The following NFX1 variants were observed in gnomAD, a reference collection of about 807,000 sequenced individuals.
The protein encoded by NFX1 is transcriptional repressor NF-X1.
In NFX1, 69 loss-of-function variants were observed where a neutral mutation model predicts 137.2. That is an observed-to-expected ratio of 0.50 (90% CI 0.41 to 0.61). NFX1 has a LOEUF of 0.61. Among genes scored for constraint, NFX1 ranks in the 20% least tolerant of loss-of-function variants. The probability of loss-of-function intolerance (pLI) is 0.00; values close to 1 mark genes in which losing one functional copy is unlikely to be tolerated. For synonymous variants in NFX1, 495 were observed against 474.1 expected, an observed-to-expected ratio of 1.04 and a Z score of -0.57; for missense variants, 1,167 against 1,391.0, an observed-to-expected ratio of 0.84 and a Z score of 2.56.
chr9:33,346,869 C>T (rs1238996887), intron 14 of NFX1, among the ~76,000 whole-genome samples, 169 bp from the exon 15 acceptor site: 2 of 152,202 alleles, frequency 1.3e-5, no homozygotes, highest in Admixed American at 1.3e-4. Flanking sequence ...TGTCCTTCAA[C>T]ACTTTAACAT....
In NFX1 at chr9:33,352,653, TAC is replaced by T; in HGVS notation, c.2665_2666del (p.Gln889ValfsTer2). On this transcript the variant is annotated frameshift_variant, in exon 17 of 24. Transcript: ENST00000379540. LOFTEE classifies it high-confidence loss of function. ...ATGTTCATCTGACTTCAGGTAGAGC[TAC>T]AGTGTGAATGTGGACGAAGAAAAGA... 2.5e-6 allele frequency: 4 copies of T among 1,614,152 alleles called. No homozygotes were observed. The South Asian group carries it at 4.4e-5, about 18-fold the overall frequency.
rs1467692866 is a variant in NFX1, at chr9:33,301,936, G to A, written c.1192+515G>A. On this transcript the variant is annotated intron_variant, in intron 3 of 23. Transcript: ENST00000379540. Reference sequence around the variant, plus strand: ...AAGATATAAAAATTAGCCAGGCGTGGTGGCGGGCACCTGTAATCCCAGCTA... The same window carrying A: ...AAGATATAAAAATTAGCCAGGCGTGATGGCGGGCACCTGTAATCCCAGCTA... Among the ~76,000 whole-genome samples, 4 of 152,294 alleles carry A rather than the reference G, an allele frequency of 2.6e-5. No homozygotes were observed. In the East Asian group the frequency reaches 7.7e-4, roughly 29 times the overall value.
chr9:33,353,283 C>CCAGGGCTA (rs1823705198), intron 17 of NFX1, among the ~76,000 whole-genome samples: 1 of 152,200 alleles, frequency 6.6e-6, no homozygotes, highest in African/African-American at 2.4e-5. Context: ...ATTGACACAG[C>CCAGGGCTA]CAGGGCTAAG....
intron 22 of NFX1, 125 bp downstream of exon 22, chr9:33,366,899 C>A: frequency 9.0e-6 from 11 of 1,227,692 alleles, no homozygotes; most frequent in Non-Finnish European, 1.1e-5. Context: ...GAAGGAAAAT[C>A]TGCTTCTCTG....
intron 10 of NFX1, among the ~76,000 whole-genome samples, chr9:33,331,234 A>T (rs1350263539): frequency 6.6e-6 from 1 of 152,132 alleles, no homozygotes; most frequent in Non-Finnish European, 1.5e-5. Flanking sequence ...ATGAATATGG[A>T]TTTTTCATGA....
rs938051432 is a variant in NFX1, at chr9:33,348,677, G to C, written c.2424+1560G>C. 1.5e-5 allele frequency: 14 copies of C among 910,178 alleles called. No homozygotes were observed. In the Admixed American group the frequency reaches 1.9e-4, roughly 12 times the overall value. The allele number at this position is 910,178 out of a possible 1,614,324, so 56.4% of individuals were successfully genotyped here. On this transcript the variant is annotated intron_variant, in intron 15 of 23. Coordinates refer to ENST00000379540, the MANE Select transcript of NFX1 (RefSeq NM_002504.6). ...CAGGGTTGCCACAAAGTTTCAATTT[G>C]TAAAAAATGTGATATCTATGAAATG...
At chr9:33,305,519 G>A (rs774480595) in intron 4 of NFX1, among the ~76,000 whole-genome samples, 6 of 152,218 alleles carry the variant, frequency 3.9e-5, no homozygotes, top group Non-Finnish European at 7.3e-5. Flanking sequence ...TTGGAAGGCT[G>A]TGGGAAGCCA....
In NFX1 at chr9:33,318,795, A is replaced by G; in HGVS notation, c.1653A>G (p.Gly551=). The change falls in exon 8 of 24, where the codon GGA becomes GGG. Residue 551 remains glycine, a synonymous_variant. Transcript: ENST00000379540. ...LCGTDVGKSD[G]FGDFSCLKIC... The stretch of plus-strand genomic sequence containing the variant: ...GAACCGATGTAGGAAAGTCTGATGG[A>G]TTTGGGGATTTCAGCTGTTTAAAGA... The G allele has an allele frequency of 1.2e-6, 2 of 1,614,082 alleles. No individual in the cohort carries two copies. Among genetic ancestry groups the G allele is most frequent in the Non-Finnish European group, 1.7e-6 (2 of 1,180,012 alleles).
At chr9:33,347,494 C>T (rs1412731068) in intron 15 of NFX1, among the ~76,000 whole-genome samples, 1 of 152,070 alleles carries the variant, frequency 6.6e-6, no homozygotes, top group Non-Finnish European at 1.5e-5. Context: ...TTAATAACCT[C>T]CTTATTCCTG....
intron 10 of NFX1, among the ~76,000 whole-genome samples, chr9:33,329,527 C>A (rs1160646283): frequency 6.6e-6 from 1 of 152,170 alleles, no homozygotes; most frequent in Non-Finnish European, 1.5e-5. Context: ...TTAGAGATTA[C>A]CTCTCAGAAG....
Position 33,351,608 on chromosome 9 carries a change from C to G in NFX1, c.2473C>G (p.Pro825Ala). The G allele has an allele frequency of 6.2e-7, 1 of 1,614,184 alleles. No homozygotes were observed. Among genetic ancestry groups the G allele is most frequent in the South Asian group, 1.1e-5 (1 of 91,088 alleles). The change falls in exon 16 of 24, where the codon CCC becomes GCC. Residue 825 changes from proline (P) to alanine (A), a missense_variant. Transcript: ENST00000379540. Reference protein sequence around the residue: ...CHLVDISCGLPCSATLPCGMH... With the variant: ...CHLVDISCGLACSATLPCGMH... ...CCTGGTTGATATCTCTTGCGGATTACCCTGCAGTGCCACGCTACCATGTGG... is the reference window on the plus strand; with the variant it reads ...CCTGGTTGATATCTCTTGCGGATTAGCCTGCAGTGCCACGCTACCATGTGG...
intron 1 of NFX1, among the ~76,000 whole-genome samples, chr9:33,291,402 G>A (rs1316791011): frequency 6.6e-6 from 1 of 152,152 alleles, no homozygotes; most frequent in Admixed American, 6.5e-5. Flanking sequence ...TTTCTGTTTC[G>A]TTTAAAAATA....
At chr9:33,352,048 C>T (rs1226172578) in intron 16 of NFX1, among the ~76,000 whole-genome samples, 3 of 152,142 alleles carry the variant, frequency 2.0e-5, no homozygotes, top group Non-Finnish European at 4.4e-5. Flanking sequence ...TCAATAGTCA[C>T]TGATTGTTTA....
At chr9:33,300,927 T>C (rs556819953) in intron 2 of NFX1, among the ~76,000 whole-genome samples, 22 of 152,174 alleles carry the variant, frequency 1.4e-4, no homozygotes, top group Admixed American at 3.9e-4. Flanking sequence ...TCCTGGAAAA[T>C]AGAAAATGCA....
At chr9:33,338,642 T>C in intron 12 of NFX1, 53 bp downstream of exon 12, 1 of 1,459,702 alleles carries the variant, frequency 6.9e-7, no homozygotes, top group Non-Finnish European at 9.3e-7. Flanking sequence ...GTGCTGGGCT[T>C]CTGGAAGCCT....
At position 33,350,989 on chromosome 9, in the gene NFX1, C is replaced by T. The variant is rs571618909; in HGVS notation, c.2425-571C>T. Among the ~76,000 whole-genome samples, 3 of 152,114 alleles carry T rather than the reference C, an allele frequency of 2.0e-5. No homozygotes were observed. The South Asian group carries it at 6.2e-4, about 32-fold the overall frequency. On this transcript the variant is annotated intron_variant, in intron 15 of 23. Coordinates refer to ENST00000379540, the MANE Select transcript of NFX1 (RefSeq NM_002504.6). ...CATGGCGAAACCCCAACTAAAAATA[C>T]AAAAATTAGCTGGTCGTGGTGGTAC...
rs73645269 is a variant in NFX1 at position 33,300,809 on chromosome 9, A to C, written c.1034-454A>C. Among the ~76,000 whole-genome samples, 148 of 152,336 alleles carry C rather than the reference A, an allele frequency of 9.7e-4. 1 individual carries two copies. Among genetic ancestry groups the C allele is most frequent in the African/African-American group, 3.5e-3 (145 of 41,578 alleles). On this transcript the variant is annotated intron_variant, in intron 2 of 23. Transcript: ENST00000379540. ...GGGCAACGGCTAGAGCCATCTCACC[A>C]CTCATGGGTTGTTGGAACCTGCCCA...
rs765176387 is a variant in NFX1 at position 33,313,813 on chromosome 9, G to A, written c.1588+20G>A. 6.2e-7 allele frequency: 1 copy of A among 1,605,102 alleles called. No homozygotes were observed. The highest frequency in any genetic ancestry group is 2.2e-5 in the East Asian group (1 of 44,650). On this transcript the variant is annotated intron_variant, in intron 7 of 23. Coordinates refer to ENST00000379540, the MANE Select transcript of NFX1 (RefSeq NM_002504.6). ...ACCAGGGTAAGTGGTGGGCACACCA[G>A]CTAGCAATGCTTGTGTTCTTTTCTG...
chr9:33,297,242 A>G (rs977264504), intron 2 of NFX1, among the ~76,000 whole-genome samples: 6 of 152,158 alleles, frequency 3.9e-5, no homozygotes, highest in Non-Finnish European at 8.8e-5. Context: ...GACCTTCACT[A>G]TCTTAATCCC....
Sources: gnomAD v4.1 joint callset for allele counts (sites outside exome capture counted in the v4.1 genomes callset) on GRCh38, gnomAD v4.1.1 for gene constraint, MANE v1.5 for transcripts, NCBI Gene and HGNC (gene_info 2026-07-23, HGNC 2026-07-21) for gene names.